The following PDE6A variants were observed in gnomAD, a reference collection of about 807,000 sequenced individuals.
PDE6A encodes the protein rod cGMP-specific 3',5'-cyclic phosphodiesterase subunit alpha.
A neutral mutation model predicts 106.3 loss-of-function variants in PDE6A; 84 were observed. That is an observed-to-expected ratio of 0.79 (90% CI 0.66 to 0.95). The LOEUF (loss-of-function observed/expected upper bound fraction) is 0.95, where lower values mean the gene tolerates loss of function less well. Among genes scored for constraint, PDE6A ranks in the 40% least tolerant of loss-of-function variants. PDE6A has a pLI of 0.00. For synonymous variants in PDE6A, 394 were observed against 386.6 expected (o/e 1.02, Z -0.23); for missense variants, 1,052 against 1,084.9 (o/e 0.97, Z 0.43).
At position 149,884,540 on chromosome 5, in the gene PDE6A, C is replaced by T. The variant is rs199871385; in HGVS notation, c.1966G>A (p.Glu656Lys). 3.7e-6 allele frequency: 6 copies of T among 1,613,724 alleles called. No individual in the cohort carries two copies. The East Asian group carries it at 8.9e-5, about 24-fold the overall frequency. ...IFQNLNRRQH[E>K]HAIHMMDIAI... ...ATGTCCATCATGTGGATGGCATGCT[C>T]ATGCTGTCGACGATTGAGGTTTTGA... is the stretch of plus-strand genomic sequence containing the variant. The change falls in exon 16 of 22, where the codon GAG becomes AAG. Residue 656 changes from glutamate to lysine, a missense_variant. Coordinates refer to ENST00000255266, the MANE Select transcript of PDE6A (RefSeq NM_000440.3).
chr5:149,870,484 A>C (rs565741752), intron 17 of PDE6A, among the ~76,000 whole-genome samples: 150 of 152,304 alleles, frequency 9.8e-4, no homozygotes, highest in African/African-American at 3.5e-3. Flanking sequence ...TCAGGAGGGC[A>C]CTGGATGCTT....
At chr5:149,897,501 T>TAAC (rs1752798211) in intron 10 of PDE6A, among the ~76,000 whole-genome samples, 2 of 152,382 alleles carry the variant, frequency 1.3e-5, no homozygotes, top group South Asian at 4.1e-4. Context: ...CTTCTGAATT[T>TAAC]AACAGTTATT....
intron 6 of PDE6A, among the ~76,000 whole-genome samples, chr5:149,914,614 A>G (rs1045691754): frequency 4.6e-5 from 7 of 151,520 alleles, no homozygotes; most frequent in Non-Finnish European, 1.0e-4. Context: ...CCAGTCTTTA[A>G]TAGGCATGAT....
Position 149,922,157 on chromosome 5 carries a change from A to G in PDE6A, c.859-448T>C, listed in dbSNP as rs148901907. Reference sequence around the variant, plus strand: ...AATCAATTATGGTACATCTATTAACAATGATGTTACAGACGTGTGTGTGCT... The same window carrying G: ...AATCAATTATGGTACATCTATTAACGATGATGTTACAGACGTGTGTGTGCT... On this transcript the variant is annotated intron_variant, in intron 4 of 21. Transcript: ENST00000255266. Among the ~76,000 whole-genome samples the G allele has an allele frequency of 7.1e-3, 1,085 of 152,242 alleles. 12 individuals carry two copies. The highest frequency in any genetic ancestry group is 0.025 in the African/African-American group (1,025 of 41,512).
intron 7 of PDE6A, among the ~76,000 whole-genome samples, chr5:149,905,336 C>T (rs1467303332): frequency 6.6e-6 from 1 of 152,190 alleles, no homozygotes; most frequent in East Asian, 1.9e-4. Flanking sequence ...CAAACACCAT[C>T]TGGTCCTGAT....
intron 9 of PDE6A, among the ~76,000 whole-genome samples, chr5:149,898,780 G>A (rs1010979060): frequency 6.6e-6 from 1 of 152,186 alleles, no homozygotes; most frequent in Non-Finnish European, 1.5e-5. Context: ...GTGGGGATAG[G>A]GGATATCTAG....
chr5:149,883,649 A>T, intron 16 of PDE6A, 113 bp from the exon 17 acceptor site: 1 of 787,188 alleles, frequency 1.3e-6, no homozygotes, highest in Non-Finnish European at 2.2e-6. Context: ...AAATTCACAA[A>T]ACAAGGTTGA....
At chr5:149,941,360 T>C (rs539547773) in intron 1 of PDE6A, among the ~76,000 whole-genome samples, 2 of 152,010 alleles carry the variant, frequency 1.3e-5, no homozygotes, top group South Asian at 4.2e-4. Flanking sequence ...TGAGTAGGAG[T>C]TGGCCTGGGC....
At position 149,883,551 on chromosome 5, in the gene PDE6A, A is replaced by G. The variant is rs1336327295; in HGVS notation, c.2028-15T>C. 2 of 1,545,752 alleles carry G rather than the reference A, an allele frequency of 1.3e-6. No individual in the cohort carries two copies. The highest frequency in any genetic ancestry group is 8.9e-7 in the Non-Finnish European group (1 of 1,118,522). On this transcript the variant is annotated splice_polypyrimidine_tract_variant and intron_variant, in intron 16 of 21. Transcript: ENST00000255266. Reference sequence around the variant, plus strand: ...TCGTCCTCTTCCTACAAAACATATCAGTCTAGTAAAGGGAGCAAGTCTTAG... The same window carrying G: ...TCGTCCTCTTCCTACAAAACATATCGGTCTAGTAAAGGGAGCAAGTCTTAG...
In PDE6A at chr5:149,863,077, G is replaced by A. The variant is rs769430274; in HGVS notation, c.2506+42C>T. ...CAGGACGCAGACACTGAGTGCTCAG[G>A]GAGTGGGGTGGTGGGAGTCCCTGCT... On this transcript the variant is annotated intron_variant, in intron 21 of 21. Coordinates refer to ENST00000255266, the MANE Select transcript of PDE6A (RefSeq NM_000440.3). This position sits in a 1 kb window ranked among gnomAD's most constrained non-coding sequence, Gnocchi z 4.7. 1 of 1,612,922 alleles carries A rather than the reference G, an allele frequency of 6.2e-7. No homozygotes were observed. The highest frequency in any genetic ancestry group is 1.7e-5 in the Admixed American group (1 of 60,024).
At chr5:149,864,249 T>G (rs1760245149) in intron 20 of PDE6A, among the ~76,000 whole-genome samples, 1 of 152,120 alleles carries the variant, frequency 6.6e-6, no homozygotes, top group Non-Finnish European at 1.5e-5. Context: ...GATGATTTTT[T>G]TTTTTTTGAA....
intron 17 of PDE6A, among the ~76,000 whole-genome samples, chr5:149,869,524 G>T (rs1415497312): frequency 6.6e-6 from 1 of 152,220 alleles, no homozygotes; most frequent in Non-Finnish European, 1.5e-5. Context: ...GGAGCAAGGG[G>T]GGTGGATTTG....
intron 13 of PDE6A, among the ~76,000 whole-genome samples, chr5:149,889,883 G>T (rs1278452615): frequency 6.7e-6 from 1 of 148,168 alleles, no homozygotes; most frequent in Non-Finnish European, 1.5e-5. Context: ...CTCCAGCCTG[G>T]GTGACAGAAC....
intron 4 of PDE6A, among the ~76,000 whole-genome samples, chr5:149,928,231 A>ATATATCTTTTTTTTTTT: frequency 5.1e-5 from 1 of 19,754 alleles, no homozygotes; most frequent in Non-Finnish European, 8.3e-5. Flanking sequence ...ATATATATAT[A>ATATATCTTTTTTTTTTT]TTTTTTTTTT....
rs773330803 is a variant in PDE6A, at chr5:149,931,166, T to C, written c.720A>G (p.Ile240Met). Residue 240 changes from isoleucine (I) to methionine (M), a missense_variant and splice_region_variant, in exon 4 of 22, where the codon ATA becomes ATG. Physicochemically the swap from Ile to Met is conservative, Grantham distance 10. Transcript: ENST00000255266. ...AGACTTTGCTCCCAGACCACAGCAG[T>C]ATCTGAAAAAACACAAAAACATATT... ...LHNCETRRGQ[I>M]LLWSGSKVFE... The C allele has an allele frequency of 6.2e-7, 1 of 1,614,092 alleles. No homozygotes were observed. Among genetic ancestry groups the C allele is most frequent in the Non-Finnish European group, 8.5e-7 (1 of 1,180,004 alleles).
chr5:149,899,565 G>A (rs779395268), intron 8 of PDE6A, 41 bp from the exon 9 acceptor site: 2 of 1,597,238 alleles, frequency 1.3e-6, no homozygotes, highest in African/African-American at 1.3e-5. Context: ...CTTGTTTCAG[G>A]CCACAGAGGC....
At chr5:149,900,925 T>G (rs1752952776) in intron 8 of PDE6A, among the ~76,000 whole-genome samples, 1 of 152,126 alleles carries the variant, frequency 6.6e-6, no homozygotes, top group African/African-American at 2.4e-5. Flanking sequence ...ATGTTTTTTG[T>G]TTTTTGTTGA....
At chr5:149,870,946 G>GAGAAA (rs146653924) in intron 17 of PDE6A, among the ~76,000 whole-genome samples, 80 of 147,784 alleles carry the variant, frequency 5.4e-4, no homozygotes, top group African/African-American at 1.1e-3. Flanking sequence ...GAGAAGAGAA[G>GAGAAA]AGAAAAGAAA....
chr5:149,942,908 T>C lies in PDE6A; in HGVS notation c.474+1292A>G, dbSNP rs146622743. Among the ~76,000 whole-genome samples the C allele has an allele frequency of 1.0e-3, 154 of 151,674 alleles. 1 individual carries two copies. The highest frequency in any genetic ancestry group is 3.4e-3 in the Middle Eastern group (1 of 294). On this transcript the variant is annotated intron_variant, in intron 1 of 21. Coordinates refer to ENST00000255266, the MANE Select transcript of PDE6A (RefSeq NM_000440.3). ...ATAAGGCAGTTTTCTCCTATCTCAG[T>C]AAATAGAACATATGATTGGGTTTTA... is the stretch of plus-strand genomic sequence containing the variant.
Sources: gnomAD v4.1 joint callset for allele counts (sites outside exome capture counted in the v4.1 genomes callset) on GRCh38, gnomAD v4.1.1 for gene constraint, Gnocchi (gnomAD v3.1) non-coding constraint, MANE v1.5 for transcripts, NCBI Gene and HGNC (gene_info 2026-07-23, HGNC 2026-07-21) for gene names.